The following VPS41 variants were observed in gnomAD, a reference collection of about 807,000 sequenced individuals.
The protein encoded by VPS41 is VPS41 subunit of HOPS complex, also known as vacuolar protein sorting-associated protein 41 homolog.
Under a neutral mutation model 130.9 loss-of-function variants are expected in VPS41, and 85 were observed. The ratio of observed to expected loss-of-function variants is 0.65; its 90% CI spans 0.55 to 0.78. The LOEUF is 0.78. Among genes scored for constraint, VPS41 ranks in the 30% least tolerant of loss-of-function variants. The pLI, the probability that VPS41 is intolerant of heterozygous loss-of-function variation, is 0.00. For synonymous variants in VPS41, 335 were observed against 332.9 expected (o/e 1.01, Z -0.07); for missense variants, 874 against 1,018.7 (o/e 0.86, Z 1.93).
chr7:38,765,982 G>A (rs1784035214), intron 15 of VPS41, among the ~76,000 whole-genome samples: 1 of 152,202 alleles, frequency 6.6e-6, no homozygotes, highest in Admixed American at 6.5e-5. Flanking sequence ...GAGGAGCACT[G>A]CTGGTTTCGG....
At chr7:38,808,996 G>A (rs1216332683) in intron 7 of VPS41, among the ~76,000 whole-genome samples, 1 of 152,084 alleles carries the variant, frequency 6.6e-6, no homozygotes, top group African/African-American at 2.4e-5. Flanking sequence ...TCTAATGTAC[G>A]CTATGGTTAC....
chr7:38,851,203 C>T (rs182136224), intron 4 of VPS41, among the ~76,000 whole-genome samples: 157 of 152,340 alleles, frequency 1.0e-3, no homozygotes, highest in African/African-American at 3.7e-3. Flanking sequence ...TAGGGTAGAA[C>T]TCACACACAT....
chr7:38,797,363 A>T (rs999828862), intron 7 of VPS41, among the ~76,000 whole-genome samples: 4 of 152,070 alleles, frequency 2.6e-5, no homozygotes, highest in African/African-American at 9.7e-5. Flanking sequence ...GTCACAAAAT[A>T]AAAAAACAAT....
chr7:38,726,794 T>C (rs187472651), intron 28 of VPS41, 115 bp downstream of exon 28: 89 of 872,020 alleles, frequency 1.0e-4, no homozygotes, highest in East Asian at 1.7e-4. Context: ...TAAATCCACA[T>C]TGTAATTTTT....
At chr7:38,830,352 T>C (rs1584416644) in intron 4 of VPS41, 24 bp from the exon 5 acceptor site, 1 of 1,426,650 alleles carries the variant, frequency 7.0e-7, no homozygotes, top group East Asian at 2.3e-5. Flanking sequence ...GACAAAAAGA[T>C]GTGTAAAACT....
rs1364066018 is a variant in VPS41, at chr7:38,783,146, G to A, written c.785-6370C>T. ...CTGCCTCAAAAAAAAAGAAAAAAGA[G>A]TAACTGAGTATCAATTACACGAGAC... is the stretch of plus-strand genomic sequence containing the variant. On this transcript the variant is annotated intron_variant, in intron 10 of 28. Coordinates refer to ENST00000310301, the MANE Select transcript of VPS41 (RefSeq NM_014396.4). 2.0e-5 allele frequency among the ~76,000 whole-genome samples: 3 copies of A among 152,120 alleles called. No homozygotes were observed. The East Asian group carries it at 5.8e-4, about 29-fold the overall frequency.
intron 14 of VPS41, among the ~76,000 whole-genome samples, chr7:38,769,935 C>T (rs1393208660): frequency 2.6e-5 from 4 of 152,148 alleles, no homozygotes; most frequent in African/African-American, 7.2e-5. Flanking sequence ...CTCTTAATTA[C>T]GAACGGCACT....
At chr7:38,727,115 A>T in intron 27 of VPS41, 127 bp from the exon 28 acceptor site, 2 of 795,654 alleles carry the variant, frequency 2.5e-6, no homozygotes, top group Non-Finnish European at 3.6e-6. Flanking sequence ...AGAATGGCTT[A>T]TTTACAAAAG....
chr7:38,835,717 TTTCTC>T (rs1328836870), intron 4 of VPS41, among the ~76,000 whole-genome samples: 1 of 151,914 alleles, frequency 6.6e-6, no homozygotes, highest in Non-Finnish European at 1.5e-5. Flanking sequence ...TATTTACTGT[TTTCTC>T]TTTCATCTAT....
At chr7:38,788,195 G>GA (rs753771705) in intron 10 of VPS41, among the ~76,000 whole-genome samples, 1 of 152,168 alleles carries the variant, frequency 6.6e-6, no homozygotes, top group Non-Finnish European at 1.5e-5. Context: ...TAACAGGTGA[G>GA]AAAAGGATGG....
chr7:38,728,314 T>G, intron 27 of VPS41: 1 of 684,274 alleles, frequency 1.5e-6, no homozygotes, highest in Non-Finnish European at 2.6e-6. Context: ...TGGGTTCCAA[T>G]AAGCCTGCCA....
chr7:38,850,990 C>T (rs868289316), intron 4 of VPS41, among the ~76,000 whole-genome samples: 1 of 152,070 alleles, frequency 6.6e-6, no homozygotes. Flanking sequence ...TGCAATAGAA[C>T]CCTAAAAATG....
At chr7:38,893,405 C>T (rs1482598742) in intron 2 of VPS41, among the ~76,000 whole-genome samples, 5 of 152,248 alleles carry the variant, frequency 3.3e-5, no homozygotes, top group Non-Finnish European at 7.3e-5. Flanking sequence ...CTCCTCTGTG[C>T]TCCCACCTCA....
intron 10 of VPS41, among the ~76,000 whole-genome samples, chr7:38,780,111 CA>C (rs1217099601): frequency 5.3e-5 from 8 of 149,574 alleles, no homozygotes; most frequent in African/African-American, 2.0e-4. Flanking sequence ...AGAAAATAAA[CA>C]TAAATTCTGC....
intron 17 of VPS41, among the ~76,000 whole-genome samples, chr7:38,763,104 T>C (rs1230831747): frequency 6.6e-6 from 1 of 152,150 alleles, no homozygotes; most frequent in Non-Finnish European, 1.5e-5. Flanking sequence ...TGTACTCTTC[T>C]CCATCATTTT....
intron 1 of VPS41, 118 bp downstream of exon 1, chr7:38,909,036 A>G (rs2116475102): frequency 1.3e-5 from 11 of 864,496 alleles, no homozygotes; most frequent in Non-Finnish European, 1.5e-5. Flanking sequence ...CCTGCCGCGG[A>G]CCTGCCTTGC....
rs138487094 is a variant in VPS41, at chr7:38,807,584, C to T, written c.450+10233G>A. ...CTATCTATATGCTTTTGGAAGCCTACCACCATTTCTGAAATCAAGATCCTG... is the reference window on the plus strand; with the variant it reads ...CTATCTATATGCTTTTGGAAGCCTATCACCATTTCTGAAATCAAGATCCTG... On this transcript the variant is annotated intron_variant, in intron 7 of 28. Coordinates refer to ENST00000310301, the MANE Select transcript of VPS41 (RefSeq NM_014396.4). 3.3e-5 allele frequency among the ~76,000 whole-genome samples: 5 copies of T among 152,264 alleles called. No individual in the cohort carries two copies. The East Asian group carries it at 9.7e-4, about 29-fold the overall frequency.
intron 1 of VPS41, among the ~76,000 whole-genome samples, chr7:38,904,796 C>G (rs973996357): frequency 6.6e-6 from 1 of 152,226 alleles, no homozygotes. Flanking sequence ...ACAATAAGGA[C>G]AGAATTCCCC....
intron 7 of VPS41, among the ~76,000 whole-genome samples, chr7:38,817,267 G>T (rs1463601642): frequency 1.3e-5 from 2 of 152,154 alleles, no homozygotes; most frequent in Non-Finnish European, 2.9e-5. Flanking sequence ...AGCTCTAGAT[G>T]TAACAGCTCT....
Sources: gnomAD v4.1 joint callset for allele counts (sites outside exome capture counted in the v4.1 genomes callset) on GRCh38, gnomAD v4.1.1 for gene constraint, MANE v1.5 for transcripts, NCBI Gene and HGNC (gene_info 2026-07-23, HGNC 2026-07-21) for gene names.